The following C2CD5 variants were observed in gnomAD, a reference collection of about 807,000 sequenced individuals.
C2CD5 encodes the protein C2 domain-containing protein 5.
A neutral mutation model predicts 130.3 loss-of-function variants in C2CD5; 109 were observed. That is an observed-to-expected ratio of 0.84 (90% confidence interval 0.72 to 0.98). C2CD5 has a LOEUF of 0.98. C2CD5 is among the 50% of genes least tolerant of loss of function. The pLI is 0.00. For missense variants in C2CD5, 996 were observed against 1,261.8 expected, an observed-to-expected ratio of 0.79 and a Z score of 3.19; for synonymous variants, 454 against 429.2, an observed-to-expected ratio of 1.06 and a Z score of -0.71.
At chr12:22,486,136 C>T (rs1239511659) in intron 12 of C2CD5, among the ~76,000 whole-genome samples, 2 of 150,766 alleles carry the variant, frequency 1.3e-5, no homozygotes, top group Non-Finnish European at 2.9e-5. Context: ...CTTAGGATCC[C>T]TAGTTTTGAC....
chr12:22,537,027 T>C (rs1045105714), intron 2 of C2CD5, among the ~76,000 whole-genome samples: 4 of 152,202 alleles, frequency 2.6e-5, no homozygotes, highest in African/African-American at 9.7e-5. Flanking sequence ...TTAGGATTTA[T>C]AAAAACATTC....
chr12:22,450,291 G>C (rs1344092676), intron 26 of C2CD5, among the ~76,000 whole-genome samples: 1 of 152,054 alleles, frequency 6.6e-6, no homozygotes, highest in Non-Finnish European at 1.5e-5. Context: ...AGCAGAAAAA[G>C]AACACACTCC....
intron 22 of C2CD5, chr12:22,460,408 TATAG>T (rs1000975110): frequency 6.6e-6 from 1 of 152,196 alleles, no homozygotes; most frequent in Non-Finnish European, 1.5e-5. Flanking sequence ...ATAGTTTAAG[TATAG>T]ATAGATAAAT....
intron 12 of C2CD5, among the ~76,000 whole-genome samples, chr12:22,487,190 C>A (rs527969944): frequency 3.9e-5 from 6 of 152,110 alleles, no homozygotes; most frequent in East Asian, 1.9e-4. Context: ...GCAACAAAAG[C>A]CAAAATTGAC....
chr12:22,458,627 A>G, intron 23 of C2CD5, 42 bp from the exon 24 acceptor site: 1 of 850,332 alleles, frequency 1.2e-6, no homozygotes, highest in Non-Finnish European at 1.6e-6. Flanking sequence ...AACAAAGAAA[A>G]AAATATGGAT....
At chr12:22,496,986 T>C (rs1947101696) in intron 10 of C2CD5, among the ~76,000 whole-genome samples, 1 of 152,172 alleles carries the variant, frequency 6.6e-6, no homozygotes, top group East Asian at 1.9e-4. Flanking sequence ...GTGAAACTGG[T>C]AAAATTCTAA....
chr12:22,519,803 G>A (rs1449913855), intron 7 of C2CD5, among the ~76,000 whole-genome samples: 2 of 151,944 alleles, frequency 1.3e-5, no homozygotes, highest in African/African-American at 2.4e-5. Flanking sequence ...TTGGATATAC[G>A]CAGATAAACA....
intron 17 of C2CD5, 79 bp from the exon 18 acceptor site, chr12:22,472,426 T>C: frequency 1.3e-6 from 1 of 790,940 alleles, no homozygotes. Context: ...TCAATTATTA[T>C]ATGAAGTTCT....
chr12:22,464,614 T>C (rs1455418598), intron 22 of C2CD5, among the ~76,000 whole-genome samples: 1 of 152,172 alleles, frequency 6.6e-6, no homozygotes, highest in Non-Finnish European at 1.5e-5. Flanking sequence ...CTAGTTAGTT[T>C]CTGTTTTTTG....
chr12:22,480,966 G>C (rs1259581553), intron 14 of C2CD5, among the ~76,000 whole-genome samples: 1 of 151,976 alleles, frequency 6.6e-6, no homozygotes, highest in South Asian at 2.1e-4. Context: ...AGCCACGCCT[G>C]GGTAATTTTT....
intron 3 of C2CD5, among the ~76,000 whole-genome samples, chr12:22,533,589 G>A (rs1042627142): frequency 5.9e-5 from 9 of 152,150 alleles, no homozygotes; most frequent in African/African-American, 2.2e-4. Flanking sequence ...CATCCTAACA[G>A]TAACACAACG....
At position 22,484,650 on chromosome 12, in the gene C2CD5, A is replaced by G. The variant is rs890163387; in HGVS notation, c.1550+47T>C. 10 of 1,066,594 alleles carry G rather than the reference A, an allele frequency of 9.4e-6. No homozygotes were observed. The African/African-American group carries it at 1.5e-4, about 16-fold the overall frequency. 66.1% of individuals were successfully genotyped at this position (1,066,594 alleles called of 1,614,324 possible). ...CTTAAAAATAGGTTTACGGCTCCCTATCTCATACTTTTTCAGGGACACCGA... is the reference window on the plus strand; with the variant it reads ...CTTAAAAATAGGTTTACGGCTCCCTGTCTCATACTTTTTCAGGGACACCGA... On this transcript the variant is annotated intron_variant, in intron 13 of 26. Transcript: ENST00000446597.
intron 8 of C2CD5, chr12:22,515,299 T>C (rs998929895): frequency 1.2e-5 from 2 of 166,196 alleles, no homozygotes; most frequent in African/African-American, 4.8e-5. Context: ...GAGAAGTCAC[T>C]AGCAAGACCA....
intron 3 of C2CD5, among the ~76,000 whole-genome samples, chr12:22,528,674 T>C (rs1411072160): frequency 6.6e-6 from 1 of 152,200 alleles, no homozygotes; most frequent in African/African-American, 2.4e-5. Flanking sequence ...ACTTTTAAAA[T>C]GCAGTCCATG....
intron 9 of C2CD5, 100 bp from the exon 10 acceptor site, chr12:22,506,919 G>C (rs1948614275): frequency 1.4e-6 from 1 of 703,088 alleles, no homozygotes; most frequent in Non-Finnish European, 2.6e-6. Context: ...TACATCCCTT[G>C]AAATAAAAGG....
At chr12:22,477,283 G>A (rs1943981269) in intron 15 of C2CD5, 1 of 151,910 alleles carries the variant, frequency 6.6e-6, no homozygotes, top group African/African-American at 2.4e-5. Flanking sequence ...ATTCAGACTA[G>A]TCACAAGTCC....
At chr12:22,486,652 G>A (rs1945568020) in intron 12 of C2CD5, among the ~76,000 whole-genome samples, 2 of 152,022 alleles carry the variant, frequency 1.3e-5, no homozygotes, top group African/African-American at 4.8e-5. Flanking sequence ...CAAATGAATG[G>A]CTGATGATTT....
intron 9 of C2CD5, among the ~76,000 whole-genome samples, chr12:22,509,742 G>T (rs1948978369): frequency 6.6e-6 from 1 of 152,058 alleles, no homozygotes; most frequent in African/African-American, 2.4e-5. Context: ...CCCATATGAG[G>T]GAAGTACTAT....
chr12:22,521,535 T>C (rs1355899715), intron 7 of C2CD5, among the ~76,000 whole-genome samples: 1 of 152,192 alleles, frequency 6.6e-6, no homozygotes, highest in Non-Finnish European at 1.5e-5. Flanking sequence ...TTTAATTTGC[T>C]AGTAAATATT....
Sources: gnomAD v4.1 joint callset for allele counts (sites outside exome capture counted in the v4.1 genomes callset) on GRCh38, gnomAD v4.1.1 for gene constraint, MANE v1.5 for transcripts, NCBI Gene and HGNC (gene_info 2026-07-23, HGNC 2026-07-21) for gene names.